MMS22L: variants seen among roughly 807,000 people sequenced by gnomAD.
MMS22L encodes the protein MMS22 like, DNA repair protein.
Under a neutral mutation model 159.1 loss-of-function variants are expected in MMS22L, and 74 were observed. The observed-to-expected ratio is 0.47, with a 90% CI of 0.39 to 0.56. The LOEUF (loss-of-function observed/expected upper bound fraction) is 0.56, where lower values mean the gene tolerates loss of function less well. MMS22L is among the 20% of genes least tolerant of loss of function. The probability of loss-of-function intolerance (pLI) is 0.00; values close to 1 mark genes in which losing one functional copy is unlikely to be tolerated. For missense variants in MMS22L, 1,351 were observed against 1,422.1 expected (o/e 0.95, Z 0.80); for synonymous variants, 517 against 506.9 (o/e 1.02, Z -0.27).
intron 14 of MMS22L, among the ~76,000 whole-genome samples, chr6:97,210,976 T>C (rs1808313108): frequency 6.6e-6 from 1 of 151,944 alleles, no homozygotes; most frequent in African/African-American, 2.4e-5. Flanking sequence ...CATGGAGACA[T>C]AAAAACTTGG....
At chr6:97,156,564 T>C (rs1196085507) in intron 22 of MMS22L, among the ~76,000 whole-genome samples, 1 of 152,210 alleles carries the variant, frequency 6.6e-6, no homozygotes, top group Non-Finnish European at 1.5e-5. Flanking sequence ...GCACCATTTA[T>C]TCAATAGGGA....
intron 12 of MMS22L, 93 bp downstream of exon 12, chr6:97,233,768 C>T (rs1295449047): frequency 7.3e-7 from 1 of 1,366,280 alleles, no homozygotes; most frequent in Non-Finnish European, 9.7e-7. Context: ...TAAGAAAAAT[C>T]CATAACTATT....
chr6:97,150,855 C>G lies in MMS22L; in HGVS notation c.3483-835G>C, dbSNP rs573136310. ...ATAAAGGTGAACTGGAAGAAATCTTCAGAAAGAAATACAAAAACGTATTGC... is the reference window on the plus strand; with the variant it reads ...ATAAAGGTGAACTGGAAGAAATCTTGAGAAAGAAATACAAAAACGTATTGC... On this transcript the variant is annotated intron_variant, in intron 23 of 24. Transcript: ENST00000683635. 2.6e-5 allele frequency among the ~76,000 whole-genome samples: 4 copies of G among 152,192 alleles called. No individual in the cohort carries two copies. In the South Asian group the frequency reaches 8.3e-4, roughly 32 times the overall value.
rs1024572124 is a variant in MMS22L, at chr6:97,172,068, T to C, written c.2839+995A>G. Among the ~76,000 whole-genome samples the C allele has an allele frequency of 7.2e-5, 11 of 152,192 alleles. No homozygotes were observed. The East Asian group carries it at 9.6e-4, about 13-fold the overall frequency. ...TAAGTAGAATTTTGTCCCATGTCTA[T>C]ATCAGACATTTATCTTGGCAAAAAT... On this transcript the variant is annotated intron_variant, in intron 19 of 24. Transcript: ENST00000683635.
chr6:97,200,944 T>C (rs1037015701), intron 14 of MMS22L, among the ~76,000 whole-genome samples: 3 of 152,122 alleles, frequency 2.0e-5, no homozygotes, highest in East Asian at 1.9e-4. Flanking sequence ...ACAGTACCCA[T>C]TGTTTGTAAC....
intron 19 of MMS22L, among the ~76,000 whole-genome samples, chr6:97,168,968 TCA>T (rs1803254239): frequency 6.6e-6 from 1 of 152,082 alleles, no homozygotes; most frequent in Non-Finnish European, 1.5e-5. Context: ...CCCTATTTCT[TCA>T]TATTTTAATC....
At chr6:97,159,948 G>GTTTTTTTT (rs368455553) in intron 22 of MMS22L, among the ~76,000 whole-genome samples, 134 of 97,136 alleles carry the variant, frequency 1.4e-3, no homozygotes, top group Non-Finnish European at 1.7e-3. Flanking sequence ...TATCATTTCT[G>GTTTTTTTT]TTTTTTTTTT....
chr6:97,235,102 G>A (rs1811256914), intron 11 of MMS22L, among the ~76,000 whole-genome samples: 1 of 152,182 alleles, frequency 6.6e-6, no homozygotes, highest in Non-Finnish European at 1.5e-5. Flanking sequence ...CATAAAGAGT[G>A]AATAGAGGGG....
intron 14 of MMS22L, among the ~76,000 whole-genome samples, chr6:97,206,153 C>T (rs556147074): frequency 2.0e-5 from 3 of 152,282 alleles, no homozygotes; most frequent in East Asian, 3.9e-4. Flanking sequence ...TCCAACCCTC[C>T]AAAATCCTGT....
chr6:97,238,712 G>T (rs1357427849), intron 11 of MMS22L, among the ~76,000 whole-genome samples: 1 of 148,688 alleles, frequency 6.7e-6, no homozygotes, highest in Non-Finnish European at 1.5e-5. Flanking sequence ...CTTTTCTAAA[G>T]AATGTCTTAT....
upstream of MMS22L, among the ~76,000 whole-genome samples, chr6:97,283,873 A>C (rs1363272421): frequency 1.3e-5 from 2 of 152,262 alleles, no homozygotes; most frequent in Non-Finnish European, 2.9e-5. Flanking sequence ...AATGGCATTA[A>C]ACTAGAAATA....
intron 4 of MMS22L, among the ~76,000 whole-genome samples, chr6:97,274,384 G>T (rs533492346): frequency 6.6e-6 from 1 of 152,204 alleles, no homozygotes; most frequent in East Asian, 1.9e-4. Flanking sequence ...GCCCATTAAG[G>T]CAGTACTCTC....
intron 18 of MMS22L, among the ~76,000 whole-genome samples, chr6:97,176,637 C>T (rs1016441181): frequency 3.3e-5 from 5 of 152,118 alleles, no homozygotes; most frequent in Admixed American, 6.6e-5. Flanking sequence ...GCAAAGAGGG[C>T]ATACGTGACC....
chr6:97,206,283 CTCTT>C (rs1807773990), intron 14 of MMS22L, among the ~76,000 whole-genome samples: 1 of 151,296 alleles, frequency 6.6e-6, no homozygotes, highest in Non-Finnish European at 1.5e-5. Context: ...TCCTTCCTAC[CTCTT>C]TCAAGAAGCA....
chr6:97,158,068 A>G (rs764767161), intron 22 of MMS22L, among the ~76,000 whole-genome samples: 5 of 152,060 alleles, frequency 3.3e-5, no homozygotes, highest in Non-Finnish European at 7.4e-5. Context: ...GTGTCTAGGA[A>G]TTTATCCATT....
chr6:97,210,102 G>A (rs1329928402), intron 14 of MMS22L, among the ~76,000 whole-genome samples: 1 of 151,828 alleles, frequency 6.6e-6, no homozygotes, highest in Non-Finnish European at 1.5e-5. Flanking sequence ...ACCTGCCTGA[G>A]GTCCCAGAGT....
intron 3 of MMS22L, among the ~76,000 whole-genome samples, chr6:97,280,708 T>C (rs199746802): frequency 2.5e-3 from 376 of 152,188 alleles, no homozygotes; most frequent in Middle Eastern, 6.8e-3. Flanking sequence ...TCCTTACAAA[T>C]ACTTAGGCCA....
intron 11 of MMS22L, among the ~76,000 whole-genome samples, chr6:97,236,262 C>T (rs1300043683): frequency 6.7e-6 from 1 of 148,734 alleles, no homozygotes; most frequent in Non-Finnish European, 1.5e-5. Context: ...CCGGGAGGAG[C>T]CAGACGTTGC....
intron 22 of MMS22L, among the ~76,000 whole-genome samples, chr6:97,159,447 C>T (rs1802198885): frequency 6.6e-6 from 1 of 151,708 alleles, no homozygotes; most frequent in South Asian, 2.1e-4. Flanking sequence ...TATTTCTCTC[C>T]CTTTTTGTGG....
Sources: gnomAD v4.1 joint callset for allele counts (sites outside exome capture counted in the v4.1 genomes callset) on GRCh38, gnomAD v4.1.1 for gene constraint, MANE v1.5 for transcripts, NCBI Gene and HGNC (gene_info 2026-07-23, HGNC 2026-07-21) for gene names.